EXOC4: variants seen among roughly 807,000 people sequenced by gnomAD.
EXOC4 encodes SEC8-like 1.
Under a neutral mutation model 107.2 loss-of-function variants are expected in EXOC4, and 71 were observed. The observed-to-expected ratio is 0.66, with a 90% CI of 0.55 to 0.81. EXOC4 has a LOEUF of 0.81. Among genes scored for constraint, EXOC4 ranks in the 30% least tolerant of loss-of-function variants. The pLI is 0.00. For missense variants in EXOC4, 1,108 were observed against 1,189.6 expected (o/e 0.93, Z 1.01); for synonymous variants, 456 against 441.2 (o/e 1.03, Z -0.42).
At chr7:133,495,842 T>A (rs954401033) in intron 9 of EXOC4, among the ~76,000 whole-genome samples, 12 of 152,184 alleles carry the variant, frequency 7.9e-5, no homozygotes, top group African/African-American at 2.9e-4. Flanking sequence ...GAATTGTTGG[T>A]TCATAACATA....
intron 10 of EXOC4, among the ~76,000 whole-genome samples, chr7:133,770,279 C>G (rs2151161686): frequency 6.6e-6 from 1 of 151,974 alleles, no homozygotes; most frequent in South Asian, 2.1e-4. Context: ...AGCTAAGGCA[C>G]AAGAAATTAA....
chr7:133,361,023 C>T (rs193122843), intron 6 of EXOC4, among the ~76,000 whole-genome samples: 2 of 152,142 alleles, frequency 1.3e-5, no homozygotes, highest in Admixed American at 1.3e-4. Context: ...ACTGGTGTAT[C>T]TCCAGAATCT....
chr7:133,462,116 G>T lies in EXOC4; in HGVS notation c.1183-13212G>T, dbSNP rs1030461955. Among the ~76,000 whole-genome samples, 32 of 152,072 alleles carry T rather than the reference G, an allele frequency of 2.1e-4. 1 individual carries two copies. Among genetic ancestry groups the T allele is most frequent in the African/African-American group, 7.7e-4 (32 of 41,402 alleles). ...TTTGTAAATATGAGTTGAATAAATT[G>T]TAAACATATTTTACAATTTTCATAT... On this transcript the variant is annotated intron_variant, in intron 7 of 17. Coordinates refer to ENST00000253861, the MANE Select transcript of EXOC4 (RefSeq NM_021807.4).
chr7:134,062,617 T>C (rs910007661), intron 17 of EXOC4, among the ~76,000 whole-genome samples: 1 of 152,198 alleles, frequency 6.6e-6, no homozygotes, highest in East Asian at 1.9e-4. Context: ...CAAAGTTACC[T>C]TTCACGTCAG....
chr7:133,393,910 A>G (rs1287887703), intron 7 of EXOC4, among the ~76,000 whole-genome samples: 1 of 152,344 alleles, frequency 6.6e-6, no homozygotes, highest in Non-Finnish European at 1.5e-5. Flanking sequence ...ATCATGTAGC[A>G]GAAGACTCAT....
At position 133,816,632 on chromosome 7, in the gene EXOC4, C is replaced by T. The variant is rs1303429784; in HGVS notation, c.1515-693C>T. 2.0e-5 allele frequency among the ~76,000 whole-genome samples: 3 copies of T among 152,144 alleles called. No individual in the cohort carries two copies. In the East Asian group the frequency reaches 5.8e-4, roughly 29 times the overall value. ...CAGCAATCCCCAACCTTTTTTGGCACAAGCACTGGCTTCATGGAAGACAAT... is the reference window on the plus strand; with the variant it reads ...CAGCAATCCCCAACCTTTTTTGGCATAAGCACTGGCTTCATGGAAGACAAT... On this transcript the variant is annotated intron_variant, in intron 10 of 17. Transcript: ENST00000253861.
intron 9 of EXOC4, among the ~76,000 whole-genome samples, chr7:133,502,703 T>A (rs1395139117): frequency 2.6e-5 from 4 of 152,180 alleles, no homozygotes; most frequent in African/African-American, 9.6e-5. Flanking sequence ...AGGTTTGCTG[T>A]AAAACAAAGT....
At chr7:133,697,132 GT>G (rs1794553001) in intron 10 of EXOC4, among the ~76,000 whole-genome samples, 1 of 152,048 alleles carries the variant, frequency 6.6e-6, no homozygotes. Context: ...TTGTTTGTTT[GT>G]TTTAAAAAAG....
intron 11 of EXOC4, among the ~76,000 whole-genome samples, chr7:133,834,992 T>C (rs1797888038): frequency 6.6e-6 from 1 of 152,112 alleles, no homozygotes; most frequent in Non-Finnish European, 1.5e-5. Context: ...CAAGCTCTCT[T>C]TTTTTGCCTG....
Position 133,715,505 on chromosome 7 carries a change from A to T in EXOC4, c.1514+85364A>T, listed in dbSNP as rs530273760. Among the ~76,000 whole-genome samples the T allele has an allele frequency of 4.6e-5, 7 of 150,878 alleles. No individual in the cohort carries two copies. The East Asian group carries it at 1.2e-3, about 25-fold the overall frequency. On this transcript the variant is annotated intron_variant, in intron 10 of 17. Transcript: ENST00000253861. ...CTTTTTTTTTTTTTGGAAGGGGGAG[A>T]AATTGGGAATGCAAGCAATGGGAGA...
intron 10 of EXOC4, among the ~76,000 whole-genome samples, chr7:133,705,215 A>C (rs1049574512): frequency 6.6e-6 from 1 of 151,958 alleles, no homozygotes; most frequent in African/African-American, 2.4e-5. Context: ...AAAAATACAA[A>C]AATTAGCCAG....
intron 14 of EXOC4, among the ~76,000 whole-genome samples, chr7:133,995,820 G>A (rs1359270505): frequency 6.6e-6 from 1 of 151,992 alleles, no homozygotes; most frequent in African/African-American, 2.4e-5. Context: ...CCCTTTTCTG[G>A]ACTTAGCAAA....
intron 9 of EXOC4, among the ~76,000 whole-genome samples, chr7:133,506,503 A>C (rs1033680118): frequency 6.6e-6 from 1 of 152,096 alleles, no homozygotes; most frequent in African/African-American, 2.4e-5. Context: ...GGGATTTCAC[A>C]CAGACATATT....
intron 10 of EXOC4, among the ~76,000 whole-genome samples, chr7:133,792,146 G>A (rs1796715909): frequency 6.6e-6 from 1 of 152,074 alleles, no homozygotes; most frequent in Admixed American, 6.5e-5. Context: ...ATCCTGATTT[G>A]GAGGCTCTGC....
chr7:134,010,444 C>T (rs141540880), intron 17 of EXOC4, among the ~76,000 whole-genome samples: 2 of 152,144 alleles, frequency 1.3e-5, no homozygotes, highest in Non-Finnish European at 2.9e-5. Flanking sequence ...CTCTTTCCCT[C>T]TCATTTTTTC....
At chr7:133,511,794 T>C (rs747835012) in intron 9 of EXOC4, among the ~76,000 whole-genome samples, 10 of 151,598 alleles carry the variant, frequency 6.6e-5, no homozygotes, top group Non-Finnish European at 1.5e-4. Flanking sequence ...CAGTGCAGCA[T>C]TCTTACTTTT....
chr7:133,840,586 G>C (rs1391909262), intron 11 of EXOC4, among the ~76,000 whole-genome samples: 1 of 151,888 alleles, frequency 6.6e-6, no homozygotes, highest in African/African-American at 2.4e-5. Flanking sequence ...CTCACTGCAC[G>C]ATTCTCCTGC....
chr7:133,464,389 G>A (rs986074709), intron 7 of EXOC4, among the ~76,000 whole-genome samples: 10 of 152,268 alleles, frequency 6.6e-5, no homozygotes, highest in East Asian at 1.9e-4. Flanking sequence ...GACTTTCTGC[G>A]TTTTTATATG....
intron 1 of EXOC4, among the ~76,000 whole-genome samples, chr7:133,272,600 A>G (rs1793898578): frequency 6.6e-6 from 1 of 152,050 alleles, no homozygotes; most frequent in African/African-American, 2.4e-5. Context: ...AAAAAAAAAA[A>G]GCTTTAATGG....
Sources: allele counts gnomAD v4.1 joint callset (sites outside exome capture counted in the v4.1 genomes callset), GRCh38; gene constraint gnomAD v4.1.1; transcripts MANE v1.5; gene names NCBI Gene and HGNC (gene_info 2026-07-23, HGNC 2026-07-21).